Variants in TTLL4 observed in about 807,000 individuals in gnomAD.
TTLL4 encodes the protein tubulin tyrosine ligase like 4.
TTLL4 carries 85 observed loss-of-function variants against 122.7 expected under a neutral mutation model. The ratio of observed to expected loss-of-function variants is 0.69; its 90% confidence interval spans 0.58 to 0.83. The LOEUF (loss-of-function observed/expected upper bound fraction) is 0.83, where lower values mean the gene tolerates loss of function less well. Among genes scored for constraint, TTLL4 ranks in the 40% least tolerant of loss-of-function variants. The pLI, the probability that TTLL4 is intolerant of heterozygous loss-of-function variation, is 0.00. For missense variants in TTLL4, 1,363 were observed against 1,488.6 expected (o/e 0.92, Z 1.39); for synonymous variants, 553 against 563.0 (o/e 0.98, Z 0.25).
chr2:218,730,346 A>AAAAAAAAAAAAAAAT (rs1942342283), intron 2 of TTLL4, among the ~76,000 whole-genome samples: 2 of 127,206 alleles, frequency 1.6e-5, no homozygotes, highest in African/African-American at 3.1e-5. Flanking sequence ...AAAAAAAAAA[A>AAAAAAAAAAAAAAAT]AAAGAAAAAA....
At chr2:218,718,232 A>C (rs919523898) in intron 1 of TTLL4, among the ~76,000 whole-genome samples, 7 of 152,218 alleles carry the variant, frequency 4.6e-5, no homozygotes, top group African/African-American at 1.7e-4. Flanking sequence ...GCATTTCCCA[A>C]GAGCCACACT....
At chr2:218,742,420 G>A (rs1272900954) in intron 5 of TTLL4, among the ~76,000 whole-genome samples, 1 of 152,070 alleles carries the variant, frequency 6.6e-6, no homozygotes, top group East Asian at 1.9e-4. Flanking sequence ...AAAATCATTG[G>A]AAACACTACC....
chr2:218,737,280 G>C (rs927716824), intron 2 of TTLL4, among the ~76,000 whole-genome samples: 16 of 152,242 alleles, frequency 1.1e-4, no homozygotes, highest in African/African-American at 3.9e-4. Context: ...TTTTTTGTTG[G>C]AGAGAGAGGA....
chr2:218,724,229 C>A (rs750170990), intron 1 of TTLL4, among the ~76,000 whole-genome samples: 8 of 151,942 alleles, frequency 5.3e-5, no homozygotes, highest in Non-Finnish European at 8.8e-5. Flanking sequence ...GAGATAATTG[C>A]AAAATTAAAA....
At position 218,754,453 on chromosome 2, in the gene TTLL4, C is replaced by T; in HGVS notation, c.*64C>T. 3 of 1,599,180 alleles carry T rather than the reference C, an allele frequency of 1.9e-6. No individual in the cohort carries two copies. Among genetic ancestry groups the T allele is most frequent in the Non-Finnish European group, 2.6e-6 (3 of 1,172,570 alleles). ...CATCAGCTACCTCACGGGAACCAGC[C>T]TGCTGTTCAGACCAGTCTGACCCCC... On this transcript the variant is annotated 3_prime_UTR_variant, in exon 20 of 20. Coordinates refer to ENST00000392102, the MANE Select transcript of TTLL4 (RefSeq NM_014640.5).
intron 18 of TTLL4, 119 bp downstream of exon 18, chr2:218,753,304 G>T: frequency 9.0e-7 from 1 of 1,113,482 alleles, no homozygotes. Context: ...GCTAGGCTCT[G>T]CTTCTGTCTC....
chr2:218,737,774 C>G lies in TTLL4; in HGVS notation c.98C>G (p.Pro33Arg), dbSNP rs144380659. 15 of 1,613,952 alleles carry G rather than the reference C, an allele frequency of 9.3e-6. No homozygotes were observed. The African/African-American group carries it at 1.7e-4, about 19-fold the overall frequency. Reference protein sequence around the residue: ...GPSGTVPATPPEKPSEGRVWP... With the variant: ...GPSGTVPATPREKPSEGRVWP... ...TCAGGCACAGTACCTGCCACGCCAC[C>G]TGAGAAACCCTCGGAGGGCAGAGTC... is the stretch of plus-strand genomic sequence containing the variant. The change falls in exon 3 of 20, where the codon CCT becomes CGT. Residue 33 changes from proline to arginine, a missense_variant. Transcript: ENST00000392102.
chr2:218,720,674 CAA>C (rs369308487), intron 1 of TTLL4, among the ~76,000 whole-genome samples: 50 of 72,270 alleles, frequency 6.9e-4, no homozygotes, highest in Non-Finnish European at 7.9e-4. Flanking sequence ...ACTCCGGTCT[CAA>C]AAAAAAAAAA....
At chr2:218,719,884 A>G (rs1327118009) in intron 1 of TTLL4, among the ~76,000 whole-genome samples, 1 of 152,208 alleles carries the variant, frequency 6.6e-6, no homozygotes, top group Admixed American at 6.5e-5. Flanking sequence ...CACCTTGGAG[A>G]CACATGCTTC....
chr2:218,745,582 C>G, intron 6 of TTLL4, 109 bp from the exon 7 acceptor site: 1 of 766,768 alleles, frequency 1.3e-6, no homozygotes, highest in Non-Finnish European at 2.2e-6. Flanking sequence ...TAGTTAGTGA[C>G]TTGCCTGCCC....
downstream of TTLL4, among the ~76,000 whole-genome samples, chr2:218,758,234 T>A (rs1195364510): frequency 1.3e-5 from 2 of 152,144 alleles, no homozygotes; most frequent in East Asian, 3.8e-4. Flanking sequence ...ATAATTATAA[T>A]AGACTGAGAT....
chr2:218,718,385 T>C (rs544320770), intron 1 of TTLL4, among the ~76,000 whole-genome samples: 2 of 152,204 alleles, frequency 1.3e-5, no homozygotes, highest in African/African-American at 4.8e-5. Context: ...TTTCTTTTTT[T>C]TTTTTCTTTT....
intron 7 of TTLL4, 116 bp from the exon 8 acceptor site, chr2:218,746,039 T>A (rs1009020872): frequency 8.1e-7 from 1 of 1,232,844 alleles, no homozygotes; most frequent in African/African-American, 1.5e-5. Flanking sequence ...GACAGCTCCA[T>A]AGCAACTCTT....
At chr2:218,717,735 G>C (rs1230388728) in intron 1 of TTLL4, among the ~76,000 whole-genome samples, 1 of 152,102 alleles carries the variant, frequency 6.6e-6, no homozygotes, top group Non-Finnish European at 1.5e-5. Context: ...TATCTCATAA[G>C]AGAAAATTAA....
downstream of TTLL4, among the ~76,000 whole-genome samples, chr2:218,756,447 T>C (rs1206166134): frequency 6.6e-6 from 1 of 152,172 alleles, no homozygotes; most frequent in African/African-American, 2.4e-5. Flanking sequence ...AAAACAAGTT[T>C]GTACATTATT....
intron 2 of TTLL4, among the ~76,000 whole-genome samples, chr2:218,733,544 T>G (rs971614408): frequency 3.9e-5 from 6 of 152,066 alleles, no homozygotes; most frequent in Non-Finnish European, 8.8e-5. Flanking sequence ...TGAGATTTGG[T>G]GGGGACACAA....
In TTLL4 at chr2:218,747,029, G is replaced by A. The variant is rs1206623206; in HGVS notation, c.2001G>A (p.Gln667=). The change falls in exon 9 of 20, where the codon CAG becomes CAA. Residue 667 remains glutamine, a synonymous_variant. Transcript: ENST00000392102. This position sits in a 1 kb window ranked among gnomAD's most constrained non-coding sequence, Gnocchi z 4.7. The stretch of plus-strand genomic sequence containing the variant: ...TAAACCATTTCCCAGGCTCATTCCA[G>A]ATTGGGAGGAAGGACCGGCTATGGC... The part of the protein sequence containing the change: ...QKLNHFPGSF[Q]IGRKDRLWRN... 1.9e-6 allele frequency: 3 copies of A among 1,614,212 alleles called. No individual in the cohort carries two copies. The highest frequency in any genetic ancestry group is 2.5e-6 in the Non-Finnish European group (3 of 1,180,024).
chr2:218,749,082 T>C (rs757080726), intron 13 of TTLL4, 148 bp downstream of exon 13: 21 of 1,256,844 alleles, frequency 1.7e-5, no homozygotes, highest in Non-Finnish European at 2.3e-5. Flanking sequence ...AGTTAAGTTC[T>C]AATGAACCTC....
At chr2:218,719,923 C>T (rs1559357207) in intron 1 of TTLL4, among the ~76,000 whole-genome samples, 1 of 152,174 alleles carries the variant, frequency 6.6e-6, no homozygotes, top group East Asian at 1.9e-4. Context: ...AAGTCCAGAT[C>T]TAGGGGCATG....
Sources: allele counts gnomAD v4.1 joint callset (sites outside exome capture counted in the v4.1 genomes callset), GRCh38; gene constraint gnomAD v4.1.1; non-coding constraint Gnocchi (gnomAD v3.1); transcripts MANE v1.5; gene names NCBI Gene and HGNC (gene_info 2026-07-23, HGNC 2026-07-21).